Variants in WFDC1 observed in about 807,000 individuals in gnomAD.
WFDC1 encodes WAP four-disulfide core domain 1.
Under a neutral mutation model 32.9 loss-of-function variants are expected in WFDC1, and 39 were observed. The observed-to-expected ratio is 1.19, with a 90% CI of 0.92 to 1.55. The LOEUF is 1.55. Ranked by LOEUF, WFDC1 falls within the 40% of genes most tolerant of loss-of-function variation. The pLI is 0.00. For missense variants in WFDC1, 386 were observed against 309.5 expected, an observed-to-expected ratio of 1.25 and a Z score of -1.85; for synonymous variants, 184 against 137.4, an observed-to-expected ratio of 1.34 and a Z score of -2.37.
At position 84,313,149 on chromosome 16, in the gene WFDC1, G is replaced by T. The variant is rs896309579; in HGVS notation, c.333G>T (p.Pro111=). The change falls in exon 2 of 7, where the codon CCG becomes CCT. Residue 111 remains proline, a synonymous_variant. Transcript: ENST00000219454. ...CCTGCCTAGAAGCTGTGCCGCCCCC[G>T]CCAGGTAGGTCCTGGGCCCGAGGGA... ...AYACLEAVPP[P]PVLDWLVQPK... is the part of the protein sequence containing the mutation. 53 of 1,428,918 alleles carry T rather than the reference G, an allele frequency of 3.7e-5. No homozygotes were observed. The highest frequency in any genetic ancestry group is 3.6e-4 in the East Asian group (12 of 33,004). 88.5% of individuals were successfully genotyped at this position (1,428,918 alleles called of 1,614,324 possible).
chr16:84,309,567 G>A (rs921942189), intron 1 of WFDC1, among the ~76,000 whole-genome samples: 9 of 152,084 alleles, frequency 5.9e-5, no homozygotes, highest in Admixed American at 2.0e-4. Context: ...AGGGGCCGCC[G>A]TAACAAATGA....
At chr16:84,301,899 T>G (rs1906958624) in intron 1 of WFDC1, among the ~76,000 whole-genome samples, 1 of 152,160 alleles carries the variant, frequency 6.6e-6, no homozygotes, top group Non-Finnish European at 1.5e-5. Flanking sequence ...CAGGTCCCTG[T>G]GTGGTTATCA....
chr16:84,325,599 CATCT>C (rs1908545838), intron 5 of WFDC1: 1 of 151,820 alleles, frequency 6.6e-6, no homozygotes, highest in Admixed American at 6.6e-5. Context: ...CCCACCCATT[CATCT>C]ATCCATTCAC....
At chr16:84,311,886 C>A (rs1567657107) in intron 1 of WFDC1, among the ~76,000 whole-genome samples, 1 of 151,874 alleles carries the variant, frequency 6.6e-6, no homozygotes, top group Non-Finnish European at 1.5e-5. Context: ...ATACTTCGGG[C>A]CAGGCGCGGT....
intron 1 of WFDC1, among the ~76,000 whole-genome samples, chr16:84,309,459 A>G (rs1364893504): frequency 6.6e-6 from 1 of 152,012 alleles, no homozygotes; most frequent in Non-Finnish European, 1.5e-5. Flanking sequence ...CATCGAGGCC[A>G]GGGACGAGGC....
intron 4 of WFDC1, among the ~76,000 whole-genome samples, chr16:84,324,159 C>T (rs1004979661): frequency 1.1e-4 from 16 of 151,806 alleles, no homozygotes; most frequent in South Asian, 2.1e-4. Flanking sequence ...AAACTTTTTG[C>T]TCTCAAGACC....
At chr16:84,303,671 A>G (rs1337539437) in intron 1 of WFDC1, among the ~76,000 whole-genome samples, 4 of 152,214 alleles carry the variant, frequency 2.6e-5, no homozygotes, top group Non-Finnish European at 4.4e-5. Flanking sequence ...TCTTTTATTG[A>G]AATGAAATTC....
chr16:84,301,938 C>A (rs574610496), intron 1 of WFDC1, among the ~76,000 whole-genome samples: 1 of 152,194 alleles, frequency 6.6e-6, no homozygotes, highest in Admixed American at 6.5e-5. Context: ...GAAAGCAGGA[C>A]ACCTCTGTGC....
At chr16:84,298,707 T>G (rs1205410000) in intron 1 of WFDC1, among the ~76,000 whole-genome samples, 1 of 151,860 alleles carries the variant, frequency 6.6e-6, no homozygotes, top group Non-Finnish European at 1.5e-5. Context: ...GCAGAGTGAG[T>G]TTTGTGTAGC....
intron 1 of WFDC1, among the ~76,000 whole-genome samples, chr16:84,302,999 C>T (rs553986236): frequency 4.6e-5 from 7 of 150,922 alleles, no homozygotes; most frequent in South Asian, 4.2e-4. Flanking sequence ...TCGACTTTGC[C>T]GTCTCGTGAA....
intron 1 of WFDC1, chr16:84,295,344 T>G: frequency 1.9e-6 from 1 of 531,126 alleles, no homozygotes; most frequent in Non-Finnish European, 3.2e-6. Flanking sequence ...ATCACAAATG[T>G]GCCAAAGAAT....
intron 4 of WFDC1, among the ~76,000 whole-genome samples, chr16:84,322,479 A>G (rs555145982): frequency 1.3e-5 from 2 of 152,242 alleles, no homozygotes; most frequent in African/African-American, 4.8e-5. Context: ...AATGTTGCAA[A>G]AGTAGTACCT....
At chr16:84,310,243 G>T (rs1290298183) in intron 1 of WFDC1, among the ~76,000 whole-genome samples, 3 of 151,932 alleles carry the variant, frequency 2.0e-5, no homozygotes, top group Non-Finnish European at 4.4e-5. Context: ...GCCTGGGAGG[G>T]CTGGTGTCAC....
intron 3 of WFDC1, 87 bp downstream of exon 3, chr16:84,318,442 G>A (rs556815206): frequency 3.9e-5 from 53 of 1,345,012 alleles, no homozygotes; most frequent in Middle Eastern, 2.2e-4. Context: ...GCACCAGGCC[G>A]GCTGTCCCCC....
At chr16:84,307,927 G>GGGTGATAAAA (rs537578026) in intron 1 of WFDC1, among the ~76,000 whole-genome samples, 6 of 152,116 alleles carry the variant, frequency 3.9e-5, no homozygotes, top group Non-Finnish European at 5.9e-5. Flanking sequence ...GCGGAGAAAG[G>GGGTGATAAAA]GGTGATAAAA....
chr16:84,317,955 A>G, intron 2 of WFDC1: 1 of 286,534 alleles, frequency 3.5e-6, no homozygotes, highest in Non-Finnish European at 7.0e-6. Context: ...GCCTGCAGGA[A>G]GGAAAAGAGG....
chr16:84,312,114 G>C (rs1039921424), intron 1 of WFDC1, among the ~76,000 whole-genome samples: 1 of 152,152 alleles, frequency 6.6e-6, no homozygotes, highest in African/African-American at 2.4e-5. Context: ...GTGGTGAGCT[G>C]AGATCGCGCC....
At chr16:84,299,891 G>C (rs961573737) in intron 1 of WFDC1, among the ~76,000 whole-genome samples, 1 of 151,650 alleles carries the variant, frequency 6.6e-6, no homozygotes, top group Non-Finnish European at 1.5e-5. Flanking sequence ...TGCCAGACGG[G>C]GGGAGGGAGG....
intron 6 of WFDC1, 104 bp downstream of exon 6, chr16:84,327,059 C>G (rs1480672085): frequency 9.4e-7 from 1 of 1,064,788 alleles, no homozygotes; most frequent in African/African-American, 1.6e-5. Context: ...GAGAGTAGCG[C>G]TTTCCCTACT....
Sources: allele counts gnomAD v4.1 joint callset (sites outside exome capture counted in the v4.1 genomes callset), GRCh38; gene constraint gnomAD v4.1.1; transcripts MANE v1.5; gene names NCBI Gene and HGNC (gene_info 2026-07-23, HGNC 2026-07-21).